Variants in SFMBT1 observed in about 807,000 individuals in gnomAD.
SFMBT1 encodes the protein scm-like with four MBT domains protein 1.
Under a neutral mutation model 108.7 loss-of-function variants are expected in SFMBT1, and 32 were observed. The observed-to-expected ratio is 0.29, with a 90% CI of 0.22 to 0.40. SFMBT1 has a LOEUF of 0.40. Ranked by LOEUF, SFMBT1 falls within the 10% of genes least tolerant of loss-of-function variation. The probability of loss-of-function intolerance (pLI) is 1.00; values close to 1 mark genes in which losing one functional copy is unlikely to be tolerated. For missense variants in SFMBT1, 816 were observed against 1,059.6 expected, an observed-to-expected ratio of 0.77 and a Z score of 3.19; for synonymous variants, 348 against 369.5, an observed-to-expected ratio of 0.94 and a Z score of 0.67.
chr3:53,036,172 A>G (rs1299226072), intron 1 of SFMBT1, among the ~76,000 whole-genome samples: 2 of 152,214 alleles, frequency 1.3e-5, no homozygotes, highest in Non-Finnish European at 2.9e-5. Flanking sequence ...TTTATGCAGA[A>G]TCCACTGGGA....
intron 19 of SFMBT1, 63 bp downstream of exon 19, chr3:52,907,006 C>T: frequency 1.3e-6 from 2 of 1,536,386 alleles, no homozygotes; most frequent in East Asian, 4.5e-5. Flanking sequence ...CACTAATAAT[C>T]ATATTCCAGA....
At chr3:52,908,618 G>A (rs1294819679) in intron 17 of SFMBT1, among the ~76,000 whole-genome samples, 1 of 152,028 alleles carries the variant, frequency 6.6e-6, no homozygotes, top group Non-Finnish European at 1.5e-5. Context: ...ACCCAGGCTG[G>A]AGTGCAGTGG....
chr3:52,906,647 CAT>C (rs769427994), intron 19 of SFMBT1, among the ~76,000 whole-genome samples: 15 of 152,098 alleles, frequency 9.9e-5, no homozygotes, highest in Non-Finnish European at 2.1e-4. Context: ...TAGTGTTATA[CAT>C]ATGTTATAAA....
At chr3:52,993,917 C>A (rs1482377419) in intron 1 of SFMBT1, among the ~76,000 whole-genome samples, 1 of 150,080 alleles carries the variant, frequency 6.7e-6, no homozygotes, top group Non-Finnish European at 1.5e-5. Context: ...ATACTCATTA[C>A]AAAATAATAC....
intron 16 of SFMBT1, 123 bp from the exon 17 acceptor site, chr3:52,911,301 T>C (rs1280140146): frequency 1.1e-6 from 1 of 895,964 alleles, no homozygotes; most frequent in East Asian, 2.8e-5. Context: ...TCCTTTATAG[T>C]TCAAGGGCCC....
At chr3:52,973,038 A>G (rs1704403419) in intron 1 of SFMBT1, among the ~76,000 whole-genome samples, 1 of 152,058 alleles carries the variant, frequency 6.6e-6, no homozygotes, top group African/African-American at 2.4e-5. Context: ...GGAAAAAAAG[A>G]AAGAGTTATT....
At chr3:52,979,632 T>C (rs1304036894) in intron 1 of SFMBT1, among the ~76,000 whole-genome samples, 1 of 152,160 alleles carries the variant, frequency 6.6e-6, no homozygotes, top group Non-Finnish European at 1.5e-5. Context: ...CTTCCCACCA[T>C]TAGTAACAGA....
At chr3:52,979,445 G>A (rs905314362) in intron 1 of SFMBT1, among the ~76,000 whole-genome samples, 2 of 152,168 alleles carry the variant, frequency 1.3e-5, no homozygotes, top group African/African-American at 4.8e-5. Flanking sequence ...CCGCCACATA[G>A]CTCTACCACC....
At chr3:52,972,481 C>T (rs1024265636) in intron 1 of SFMBT1, among the ~76,000 whole-genome samples, 2 of 152,088 alleles carry the variant, frequency 1.3e-5, no homozygotes, top group African/African-American at 4.8e-5. Context: ...ACTATCCAGG[C>T]GCTTAGTATA....
At chr3:52,907,773 A>G in intron 17 of SFMBT1, 40 bp from the exon 18 acceptor site, 2 of 1,546,066 alleles carry the variant, frequency 1.3e-6, no homozygotes, top group Non-Finnish European at 8.8e-7. Flanking sequence ...TAGCTTCATT[A>G]TTTTTGTGTA....
chr3:53,000,328 TCAA>T (rs1698503414), intron 1 of SFMBT1, among the ~76,000 whole-genome samples: 1 of 149,546 alleles, frequency 6.7e-6, no homozygotes, highest in Admixed American at 6.8e-5. Context: ...TGTTTATGTT[TCAA>T]CAACAACAAA....
rs558667286 is a variant in SFMBT1 at position 52,944,597 on chromosome 3, G to T, written c.124-1004C>A. ...TGCAATGGCGTGATCTCGGCTTACC[G>T]CAACCTCTGCCTCCTGGGTACAAGC... is the stretch of plus-strand genomic sequence containing the variant. On this transcript the variant is annotated intron_variant, in intron 3 of 20. Transcript: ENST00000394752. Among the ~76,000 whole-genome samples the T allele has an allele frequency of 1.2e-4, 18 of 152,172 alleles. No individual in the cohort carries two copies. The East Asian group carries it at 1.7e-3, about 15-fold the overall frequency.
intron 1 of SFMBT1, among the ~76,000 whole-genome samples, chr3:53,039,781 T>C (rs139446292): frequency 0.017 from 2,562 of 152,272 alleles, 72 homozygotes; most frequent in African/African-American, 0.058. Flanking sequence ...ACTACAGGTG[T>C]CCGCCACCAC....
intron 1 of SFMBT1, among the ~76,000 whole-genome samples, chr3:53,012,971 G>C (rs577145309): frequency 1.3e-5 from 2 of 151,380 alleles, no homozygotes; most frequent in Non-Finnish European, 2.9e-5. Flanking sequence ...CAATGCTAAA[G>C]AGACTAATAA....
Position 52,912,569 on chromosome 3 carries a change from A to G in SFMBT1, c.1699T>C (p.Trp567Arg), listed in dbSNP as rs570715537. Reference protein sequence around the residue: ...RELQLDKDSVWHGCGEVLKAK... With the variant: ...RELQLDKDSVRHGCGEVLKAK... ...TTTAGGACTTCCCCACATCCGTGCC[A>G]CACAGAGTCTTTGTCCAGCTGGAGC... Residue 567 changes from tryptophan to arginine, a missense_variant, in exon 16 of 21, where the codon TGG becomes CGG. By Grantham distance (101) the Trp-to-Arg change is moderately radical. Transcript: ENST00000394752. The G allele has an allele frequency of 1.2e-6, 2 of 1,614,152 alleles. No individual in the cohort carries two copies. The highest frequency in any genetic ancestry group is 3.3e-5 in the Admixed American group (2 of 60,022).
In SFMBT1 at chr3:53,003,121, CAAAAAAA is replaced by C. The variant is rs397894876; in HGVS notation, c.-130-33870_-130-33864del. On this transcript the variant is annotated intron_variant, in intron 1 of 20. Transcript: ENST00000394752. ...TGGGTGACAGAGTGGGACTCCATCA[CAAAAAAA>C]AAAAAAAAAAAAAAAAAGATGGTGT... 1.5e-4 allele frequency among the ~76,000 whole-genome samples: 9 copies of C among 62,022 alleles called. 1 individual carries two copies. Among genetic ancestry groups the C allele is most frequent in the African/African-American group, 1.3e-4 (2 of 15,614 alleles). 40.7% of individuals were successfully genotyped at this position (62,022 alleles called of 152,430 possible). A position where few individuals can be genotyped will look rare whatever the true frequency, so the allele number is the denominator to read the frequency against.
chr3:52,965,136 A>G (rs1344614346), intron 2 of SFMBT1, among the ~76,000 whole-genome samples: 1 of 152,152 alleles, frequency 6.6e-6, no homozygotes, highest in African/African-American at 2.4e-5. Flanking sequence ...TTTTAGGTTG[A>G]GACTATTCCC....
At chr3:52,918,613 T>C in intron 12 of SFMBT1, 87 bp from the exon 13 acceptor site, 1 of 760,500 alleles carries the variant, frequency 1.3e-6, no homozygotes, top group South Asian at 2.0e-5. Context: ...CATTAGCATA[T>C]TTAAAACCTG....
At chr3:53,021,034 G>T (rs1396874493) in intron 1 of SFMBT1, among the ~76,000 whole-genome samples, 2 of 152,140 alleles carry the variant, frequency 1.3e-5, no homozygotes, top group Non-Finnish European at 1.5e-5. Context: ...CTCCAGCCTG[G>T]GCAACAAGAG....
Sources: gnomAD v4.1 joint callset for allele counts (sites outside exome capture counted in the v4.1 genomes callset) on GRCh38, gnomAD v4.1.1 for gene constraint, MANE v1.5 for transcripts, NCBI Gene and HGNC (gene_info 2026-07-23, HGNC 2026-07-21) for gene names.